Variants in SP110 observed in about 807,000 individuals in gnomAD.
The protein encoded by SP110 is SP110 nuclear body protein, also known as interferon-induced protein 41, 30kD.
A neutral mutation model predicts 92.7 loss-of-function variants in SP110; 62 were observed. The observed-to-expected ratio is 0.67, with a 90% CI of 0.55 to 0.83. SP110 has a LOEUF of 0.83. Ranked by LOEUF, SP110 falls within the 40% of genes least tolerant of loss-of-function variation. The pLI, the probability that SP110 is intolerant of heterozygous loss-of-function variation, is 0.00. For missense variants in SP110, 793 were observed against 863.9 expected (o/e 0.92, Z 1.03); for synonymous variants, 273 against 305.3 (o/e 0.89, Z 1.10).
chr2:230,213,153 A>G (rs7601176), intron 3 of SP110, 126 bp from the exon 4 acceptor site: 570,948 of 913,874 alleles, frequency 0.62, 183,195 homozygotes, highest in East Asian at 0.89. Context: ...CCCCAGGTGC[A>G]GAGAACTGAT....
Position 230,172,231 on chromosome 2 carries a change from TC to T in SP110, c.1707-58del, listed in dbSNP as rs1436425999. The T allele has an allele frequency of 3.7e-6, 4 of 1,069,118 alleles. No homozygotes were observed. The African/African-American group carries it at 6.2e-5, about 16-fold the overall frequency. 66.2% of individuals were successfully genotyped at this position (1,069,118 alleles called of 1,614,324 possible). Reference sequence around the variant, plus strand: ...CAAAGCCCCTGGAAATGGCCACCATTCCTGTGGCTGCCACTGTCTTCCCTCA... The same window carrying T: ...CAAAGCCCCTGGAAATGGCCACCATTCTGTGGCTGCCACTGTCTTCCCTCA... On this transcript the variant is annotated intron_variant, in intron 15 of 18. Coordinates refer to ENST00000258381, the MANE Select transcript of SP110 (RefSeq NM_080424.4).
intron 4 of SP110, 148 bp from the exon 5 acceptor site, chr2:230,212,578 A>G: frequency 1.9e-6 from 2 of 1,056,138 alleles, no homozygotes; most frequent in East Asian, 2.4e-5. Flanking sequence ...GGTGTTCTGG[A>G]CTCTAGGTCT....
At chr2:230,169,939 G>C (rs1405086525) in intron 18 of SP110, among the ~76,000 whole-genome samples, 1 of 152,184 alleles carries the variant, frequency 6.6e-6, no homozygotes, top group East Asian at 1.9e-4. Context: ...ATGGGTACCA[G>C]TTTACAATCT....
Position 230,177,537 on chromosome 2 carries a change from C to T in SP110, c.1590+1G>A, listed in dbSNP as rs772377159. The T allele has an allele frequency of 1.3e-5, 21 of 1,613,930 alleles. No homozygotes were observed. Among genetic ancestry groups the T allele is most frequent in the Non-Finnish European group, 1.8e-5 (21 of 1,179,892 alleles). On this transcript the variant is annotated splice_donor_variant, in intron 14 of 18. Transcript: ENST00000258381. LOFTEE classifies it high-confidence loss of function. ...ACCTATCTGTCCCGTCATTATAATA[C>T]CTTCAGCAGCTCTCCTAGGGTCATT...
At chr2:230,175,185 C>T (rs1282729848) in intron 14 of SP110, among the ~76,000 whole-genome samples, 2 of 152,248 alleles carry the variant, frequency 1.3e-5, no homozygotes, top group East Asian at 3.9e-4. Flanking sequence ...TTTTTTCACT[C>T]ATAGACCTAC....
At chr2:230,185,654 G>A (rs2042322881) in intron 11 of SP110, among the ~76,000 whole-genome samples, 1 of 152,220 alleles carries the variant, frequency 6.6e-6, no homozygotes, top group South Asian at 2.1e-4. Flanking sequence ...CCACTTTGAG[G>A]ATTGGTGCCA....
intron 14 of SP110, among the ~76,000 whole-genome samples, chr2:230,175,386 TA>T (rs56315623): frequency 3.9e-4 from 59 of 151,696 alleles, no homozygotes; most frequent in African/African-American, 1.3e-3. Context: ...AAGAAAAGTT[TA>T]AAAAAAAACC....
rs2041882057 is a variant in SP110, at chr2:230,176,782, T to C, written c.1590+756A>G. On this transcript the variant is annotated intron_variant, in intron 14 of 18. Transcript: ENST00000258381. ...ATTCTGGAGGTTTTTCTTTTGTAGA[T>C]ACTGGCCTTCCCACTTCCTAGTGAA... The C allele has an allele frequency of 1.1e-5, 17 of 1,563,802 alleles. No homozygotes were observed. In the South Asian group the frequency reaches 1.3e-4, roughly 12 times the overall value.
At chr2:230,193,725 G>C (rs2042739554) in intron 10 of SP110, among the ~76,000 whole-genome samples, 1 of 152,146 alleles carries the variant, frequency 6.6e-6, no homozygotes, top group Non-Finnish European at 1.5e-5. Flanking sequence ...GAGGAATCAT[G>C]TATTTTTCAT....
rs1269072974 is a variant in SP110 at position 230,214,930 on chromosome 2, C to A, written c.316+20G>T. 1.9e-6 allele frequency: 3 copies of A among 1,610,068 alleles called. No homozygotes were observed. In the Admixed American group the frequency reaches 5.0e-5, roughly 27 times the overall value. ...ATAGCAACTTTTTAAATGCAAAAAG[C>A]ACTTGAGAAATCTCATTACCACGTT... On this transcript the variant is annotated intron_variant, in intron 3 of 18. Transcript: ENST00000258381.
At chr2:230,206,595 TTATATATATATATATA>T (rs56817002) in intron 8 of SP110, among the ~76,000 whole-genome samples, 5,322 of 70,536 alleles carry the variant, frequency 0.075, 657 homozygotes, top group African/African-American at 0.21. Context: ...GGTCCAGATT[TTATATATATATATATA>T]TATATATATA....
intron 10 of SP110, among the ~76,000 whole-genome samples, chr2:230,197,792 A>T (rs140672595): frequency 6.6e-6 from 1 of 152,106 alleles, no homozygotes; most frequent in Non-Finnish European, 1.5e-5. Context: ...ACCATTTATT[A>T]AATAGGGAAT....
chr2:230,197,178 A>T (rs1281032098), intron 10 of SP110, among the ~76,000 whole-genome samples: 2 of 151,778 alleles, frequency 1.3e-5, no homozygotes, highest in South Asian at 2.1e-4. Flanking sequence ...AAGTGTTCCT[A>T]TTTCTCCACA....
chr2:230,177,507 C>T, intron 14 of SP110, 31 bp downstream of exon 14: 1 of 1,611,294 alleles, frequency 6.2e-7, no homozygotes, highest in Non-Finnish European at 8.5e-7. Flanking sequence ...GGATTTAAAC[C>T]TGTCACCTAT....
intron 3 of SP110, among the ~76,000 whole-genome samples, chr2:230,213,263 CA>C (rs1386181569): frequency 6.6e-6 from 1 of 152,150 alleles, no homozygotes; most frequent in Non-Finnish European, 1.5e-5. Context: ...GATCTAATAC[CA>C]AAATGGTTTC....
At chr2:230,223,370 G>A (rs2045981110), upstream of SP110, among the ~76,000 whole-genome samples, 1 of 152,118 alleles carries the variant, frequency 6.6e-6, no homozygotes. Context: ...AGGTGATCCA[G>A]ATATCTTTCA....
At chr2:230,185,677 G>A (rs981289776) in intron 11 of SP110, among the ~76,000 whole-genome samples, 1 of 152,164 alleles carries the variant, frequency 6.6e-6, no homozygotes, top group African/African-American at 2.4e-5. Flanking sequence ...TCCAAGACTG[G>A]GTTGGCCAGA....
rs763142463 is a variant in SP110, at chr2:230,186,134, G to A, written c.1139C>T (p.Ser380Leu). The A allele has an allele frequency of 1.2e-6, 2 of 1,614,070 alleles. No homozygotes were observed. The highest frequency in any genetic ancestry group is 2.2e-5 in the South Asian group (2 of 91,082). ...CTTCTCTTGGATGCCATGCCCAGGT[G>A]AGGCTGCCCCTGGACCAAATAGACT... ...TPRRVTQGAA[S>L]PGHGIQEKLQ... Residue 380 changes from serine (S) to leucine (L), a missense_variant, in exon 11 of 19, where the codon TCA becomes TTA. Ser to Leu is a moderately radical substitution (Grantham distance 145). Coordinates refer to ENST00000258381, the MANE Select transcript of SP110 (RefSeq NM_080424.4).
At position 230,211,848 on chromosome 2, in the gene SP110, G is replaced by C. The variant is rs1196990411; in HGVS notation, c.668-295C>G. On this transcript the variant is annotated intron_variant, in intron 5 of 18. Coordinates refer to ENST00000258381, the MANE Select transcript of SP110 (RefSeq NM_080424.4). The surrounding 1 kb of genome is among the most constrained non-coding windows in gnomAD (Gnocchi z 4.2). ...GGACCCCTCTTCTCAGTACTGGAGA[G>C]CTCAGAATCCATGGTATCATTTTTG... Among the ~76,000 whole-genome samples, 6 of 152,162 alleles carry C rather than the reference G, an allele frequency of 3.9e-5. No homozygotes were observed. The highest frequency in any genetic ancestry group is 4.8e-5 in the African/African-American group (2 of 41,432).
Sources: allele counts gnomAD v4.1 joint callset (sites outside exome capture counted in the v4.1 genomes callset), GRCh38; gene constraint gnomAD v4.1.1; non-coding constraint Gnocchi (gnomAD v3.1); transcripts MANE v1.5; gene names NCBI Gene and HGNC (gene_info 2026-07-23, HGNC 2026-07-21).